The following TBC1D32 variants were observed in gnomAD, a reference collection of about 807,000 sequenced individuals.
TBC1D32 encodes the protein TBC1 domain family member 32.
In TBC1D32, 151 loss-of-function variants were observed where a neutral mutation model predicts 170.3. The ratio of observed to expected loss-of-function variants is 0.89; its 90% CI spans 0.78 to 1.01. The LOEUF is 1.01. Among genes scored for constraint, TBC1D32 ranks in the 50% least tolerant of loss-of-function variants. The pLI is 0.00. For synonymous variants in TBC1D32, 498 were observed against 488.0 expected (o/e 1.02, Z -0.27); for missense variants, 1,464 against 1,457.1 (o/e 1.00, Z -0.08).
At chr6:121,296,651 C>T (rs1805684951) in intron 10 of TBC1D32, among the ~76,000 whole-genome samples, 1 of 152,044 alleles carries the variant, frequency 6.6e-6, no homozygotes, top group African/African-American at 2.4e-5. Flanking sequence ...ATCCTTCTTC[C>T]ATGGTTCCAT....
In TBC1D32 at chr6:121,303,770, T is replaced by C. The variant is rs771155935; in HGVS notation, c.936-9A>G. The C allele has an allele frequency of 3.3e-6, 5 of 1,505,934 alleles. No individual in the cohort carries two copies. The highest frequency in any genetic ancestry group is 1.8e-6 in the Non-Finnish European group (2 of 1,113,896). 93.3% of individuals were successfully genotyped at this position (1,505,934 alleles called of 1,614,324 possible). ...CAATTTCTTCCATATACCTTAAAGT[T>C]TGGGAAAAAAGAAATACAATTACAC... On this transcript the variant is annotated splice_polypyrimidine_tract_variant and intron_variant, in intron 8 of 31. Coordinates refer to ENST00000398212, the MANE Select transcript of TBC1D32 (RefSeq NM_152730.6).
intron 24 of TBC1D32, among the ~76,000 whole-genome samples, chr6:121,143,377 G>A (rs1189188016): frequency 1.3e-5 from 2 of 152,214 alleles, no homozygotes; most frequent in East Asian, 3.9e-4. Flanking sequence ...ACCAGATGAT[G>A]TCTCAAAATT....
At chr6:121,152,846 T>C (rs1784383349) in intron 24 of TBC1D32, among the ~76,000 whole-genome samples, 1 of 152,186 alleles carries the variant, frequency 6.6e-6, no homozygotes, top group Non-Finnish European at 1.5e-5. Flanking sequence ...GTTTTTCAGT[T>C]CCATCAGGTC....
chr6:121,125,508 T>A (rs1005480381), intron 26 of TBC1D32, among the ~76,000 whole-genome samples: 1 of 151,780 alleles, frequency 6.6e-6, no homozygotes, highest in Non-Finnish European at 1.5e-5. Flanking sequence ...CAGACAGGGA[T>A]GTGTAAGCCA....
chr6:121,111,354 C>T (rs964075917), intron 29 of TBC1D32, among the ~76,000 whole-genome samples: 1 of 152,090 alleles, frequency 6.6e-6, no homozygotes, highest in African/African-American at 2.4e-5. Flanking sequence ...GGAATGTAGA[C>T]ATTACTTTAA....
intron 17 of TBC1D32, among the ~76,000 whole-genome samples, chr6:121,251,223 A>G (rs1798250350): frequency 6.6e-6 from 1 of 152,102 alleles, no homozygotes; most frequent in Admixed American, 6.5e-5. Context: ...TTAAAAAAAA[A>G]CTACTTTAAA....
At chr6:121,082,418 C>T (rs993308038) in intron 31 of TBC1D32, among the ~76,000 whole-genome samples, 1 of 151,938 alleles carries the variant, frequency 6.6e-6, no homozygotes, top group Admixed American at 6.6e-5. Context: ...ATGAATTTAT[C>T]CATTCATTTC....
chr6:121,329,457 G>C (rs929728145), intron 1 of TBC1D32, among the ~76,000 whole-genome samples: 4 of 152,094 alleles, frequency 2.6e-5, no homozygotes, highest in Non-Finnish European at 5.9e-5. Flanking sequence ...TTCAAGACCA[G>C]CCTGACCAAC....
At chr6:121,267,148 G>T (rs1800631058) in intron 15 of TBC1D32, among the ~76,000 whole-genome samples, 1 of 151,880 alleles carries the variant, frequency 6.6e-6, no homozygotes, top group African/African-American at 2.4e-5. Context: ...AAAGGTCGGG[G>T]GGAGGTTCCA....
At chr6:121,101,261 A>G (rs1042949845) in intron 30 of TBC1D32, among the ~76,000 whole-genome samples, 38 of 152,122 alleles carry the variant, frequency 2.5e-4, no homozygotes, top group African/African-American at 8.9e-4. Context: ...TCCTGATATC[A>G]AAGCCGGTCA....
At chr6:121,144,057 G>C (rs1783129372) in intron 24 of TBC1D32, among the ~76,000 whole-genome samples, 1 of 152,072 alleles carries the variant, frequency 6.6e-6, no homozygotes, top group Non-Finnish European at 1.5e-5. Flanking sequence ...ATAATATCAG[G>C]ATCACTCTTA....
At chr6:121,278,749 A>G (rs1421967901) in intron 15 of TBC1D32, among the ~76,000 whole-genome samples, 3 of 152,128 alleles carry the variant, frequency 2.0e-5, no homozygotes, top group Admixed American at 1.3e-4. Context: ...GGTTTGTCTG[A>G]TTATAAGCAC....
chr6:121,096,416 A>G (rs1777413712), intron 30 of TBC1D32, among the ~76,000 whole-genome samples: 1 of 152,138 alleles, frequency 6.6e-6, no homozygotes, highest in Admixed American at 6.6e-5. Flanking sequence ...ACAAACAGAG[A>G]GCCAAATCAT....
At chr6:121,270,843 A>G (rs941231645) in intron 15 of TBC1D32, among the ~76,000 whole-genome samples, 10 of 152,184 alleles carry the variant, frequency 6.6e-5, no homozygotes, top group African/African-American at 2.4e-4. Flanking sequence ...CCTGATGAAC[A>G]TCGATGCAAA....
At chr6:121,224,379 T>C (rs1794842389) in intron 20 of TBC1D32, 3 of 152,158 alleles carry the variant, frequency 2.0e-5, no homozygotes, top group African/African-American at 7.2e-5. Context: ...CTGTAAAGTT[T>C]ACTGCTTTAC....
At chr6:121,275,905 G>A (rs1229180212) in intron 15 of TBC1D32, among the ~76,000 whole-genome samples, 2 of 151,958 alleles carry the variant, frequency 1.3e-5, no homozygotes, top group Non-Finnish European at 2.9e-5. Flanking sequence ...CAGGCAGATC[G>A]CTTGAGCTCA....
chr6:121,085,250 T>TATATACAC (rs142224382), intron 31 of TBC1D32, among the ~76,000 whole-genome samples: 4 of 142,680 alleles, frequency 2.8e-5, no homozygotes, highest in African/African-American at 1.1e-4. Context: ...TACATACGTA[T>TATATACAC]ATATATACAC....
intron 12 of TBC1D32, among the ~76,000 whole-genome samples, chr6:121,286,195 A>G (rs960069075): frequency 1.3e-5 from 2 of 152,146 alleles, no homozygotes; most frequent in African/African-American, 2.4e-5. Flanking sequence ...ACTCCAAACT[A>G]AAGGAGGAAG....
chr6:121,329,985 T>A (rs1810995892), intron 1 of TBC1D32, among the ~76,000 whole-genome samples: 1 of 152,184 alleles, frequency 6.6e-6, no homozygotes, highest in Non-Finnish European at 1.5e-5. Context: ...GAAGGACACA[T>A]AATTCTTGGT....
Sources: allele counts gnomAD v4.1 joint callset (sites outside exome capture counted in the v4.1 genomes callset), GRCh38; gene constraint gnomAD v4.1.1; transcripts MANE v1.5; gene names NCBI Gene and HGNC (gene_info 2026-07-23, HGNC 2026-07-21).